PTPN12: variants seen among roughly 807,000 people sequenced by gnomAD.
The protein encoded by PTPN12 is tyrosine-protein phosphatase non-receptor type 12.
PTPN12 carries 29 observed loss-of-function variants against 97.6 expected under a neutral mutation model. The observed-to-expected ratio is 0.30, with a 90% CI of 0.22 to 0.41. The LOEUF (loss-of-function observed/expected upper bound fraction) is 0.41, where lower values mean the gene tolerates loss of function less well. Ranked by LOEUF, PTPN12 falls within the 10% of genes least tolerant of loss-of-function variation. The pLI, the probability that PTPN12 is intolerant of heterozygous loss-of-function variation, is 1.00. For synonymous variants in PTPN12, 327 were observed against 300.4 expected, an observed-to-expected ratio of 1.09 and a Z score of -0.91; for missense variants, 819 against 926.0, an observed-to-expected ratio of 0.88 and a Z score of 1.50.
chr7:77,599,044 AGT>A (rs1176885041), intron 7 of PTPN12, among the ~76,000 whole-genome samples: 6 of 151,344 alleles, frequency 4.0e-5, no homozygotes, highest in African/African-American at 1.5e-4. Context: ...ATGAAATGAG[AGT>A]GTAATATTTA....
In PTPN12 at chr7:77,571,245, T is replaced by C. The variant is rs1787116265; in HGVS notation, c.208+59T>C. 8 of 1,003,124 alleles carry C rather than the reference T, an allele frequency of 8.0e-6. No individual in the cohort carries two copies. In the East Asian group the frequency reaches 1.9e-4, roughly 24 times the overall value. The allele number at this position is 1,003,124 out of a possible 1,614,324, so 62.1% of individuals were successfully genotyped here. A position where few individuals can be genotyped will look rare whatever the true frequency, so the allele number is the denominator to read the frequency against. ...AAATGCTAATTAGCCTTTTGTAACCTAACTAGTTTTATTCTTCCTGAGTTT... is the reference window on the plus strand; with the variant it reads ...AAATGCTAATTAGCCTTTTGTAACCCAACTAGTTTTATTCTTCCTGAGTTT... On this transcript the variant is annotated intron_variant, in intron 2 of 17. Coordinates refer to ENST00000248594, the MANE Select transcript of PTPN12 (RefSeq NM_002835.4).
In PTPN12 at chr7:77,550,290, G is replaced by T. The variant is rs181233786; in HGVS notation, c.99+12645G>T. Reference sequence around the variant, plus strand: ...GTCTGTAATTTACACCTAGTTGTTTGTAATTCATCTAATACGGTAAATAGA... The same window carrying T: ...GTCTGTAATTTACACCTAGTTGTTTTTAATTCATCTAATACGGTAAATAGA... On this transcript the variant is annotated intron_variant, in intron 1 of 17. Coordinates refer to ENST00000248594, the MANE Select transcript of PTPN12 (RefSeq NM_002835.4). 2.2e-4 allele frequency among the ~76,000 whole-genome samples: 33 copies of T among 152,204 alleles called. No individual in the cohort carries two copies. In the East Asian group the frequency reaches 6.0e-3, roughly 28 times the overall value.
chr7:77,613,167 G>GTTT (rs576216122), intron 11 of PTPN12, among the ~76,000 whole-genome samples: 130 of 88,548 alleles, frequency 1.5e-3, no homozygotes, highest in Non-Finnish European at 1.8e-3. Flanking sequence ...TAATTTTTGG[G>GTTT]TTTTTTTTTT....
chr7:77,621,894 A>G (rs927951582), intron 12 of PTPN12, among the ~76,000 whole-genome samples: 2 of 152,228 alleles, frequency 1.3e-5, no homozygotes, highest in Admixed American at 1.3e-4. Flanking sequence ...TGTGTGGCCC[A>G]TCATTGACTG....
chr7:77,574,906 A>G (rs1246948082), intron 2 of PTPN12, among the ~76,000 whole-genome samples: 1 of 150,242 alleles, frequency 6.7e-6, no homozygotes, highest in African/African-American at 2.5e-5. Flanking sequence ...ATCTCGGCTC[A>G]CTGCAACCTC....
chr7:77,552,013 CAT>C (rs2151301121), intron 1 of PTPN12, among the ~76,000 whole-genome samples: 1 of 152,314 alleles, frequency 6.6e-6, no homozygotes, highest in African/African-American at 2.4e-5. Context: ...AATAATTAAA[CAT>C]GTTCAGATAT....
At chr7:77,588,624 C>T (rs1210525522) in intron 5 of PTPN12, among the ~76,000 whole-genome samples, 1 of 152,040 alleles carries the variant, frequency 6.6e-6, no homozygotes, top group Non-Finnish European at 1.5e-5. Flanking sequence ...GCAGGGTTGC[C>T]ACAAAACTTC....
At chr7:77,591,781 A>G (rs566223898) in intron 5 of PTPN12, among the ~76,000 whole-genome samples, 1 of 152,340 alleles carries the variant, frequency 6.6e-6, no homozygotes, top group African/African-American at 2.4e-5. Context: ...TTTACATTTA[A>G]TGAGAATTCA....
intron 14 of PTPN12, among the ~76,000 whole-genome samples, chr7:77,632,749 G>T (rs1452722426): frequency 7.9e-5 from 12 of 152,056 alleles, no homozygotes; most frequent in Non-Finnish European, 8.8e-5. Context: ...CTGAGGTCAG[G>T]AGTTGGAGAC....
intron 12 of PTPN12, among the ~76,000 whole-genome samples, chr7:77,625,468 G>GCGCGCTCTCTCTCTCTCT (rs1218191468): frequency 4.0e-5 from 1 of 24,752 alleles, no homozygotes. Context: ...TGCCCAGGCT[G>GCGCGCTCTCTCTCTCTCT]CTCGCTCTCT....
intron 2 of PTPN12, among the ~76,000 whole-genome samples, chr7:77,579,250 T>C (rs1018980692): frequency 1.3e-5 from 2 of 152,062 alleles, no homozygotes. Flanking sequence ...GCCTCCCGAG[T>C]AGCTGAGATT....
intron 1 of PTPN12, chr7:77,545,712 A>G (rs1031975143): frequency 2.0e-5 from 3 of 152,068 alleles, no homozygotes; most frequent in African/African-American, 7.2e-5. Context: ...CCTATAGGAT[A>G]AAGTCTGTAC....
chr7:77,575,589 T>A (rs1478019161), intron 2 of PTPN12, among the ~76,000 whole-genome samples: 1 of 152,242 alleles, frequency 6.6e-6, no homozygotes, highest in African/African-American at 2.4e-5. Flanking sequence ...ATAGAATTTT[T>A]AAAACAGGTT....
chr7:77,603,255 A>G (rs1788245053), intron 8 of PTPN12, among the ~76,000 whole-genome samples: 1 of 152,234 alleles, frequency 6.6e-6, no homozygotes, highest in South Asian at 2.1e-4. Flanking sequence ...AGTTAAAATA[A>G]TTTCCTGTTC....
Position 77,627,664 on chromosome 7 carries a change from G to A in PTPN12, c.1985G>A (p.Gly662Asp), listed in dbSNP as rs142415311. ...AATATAGCAGGAACAACACATTCAG[G>A]TGCTGAAAAAGGTAATAATATAGTG... ...RHNIAGTTHS[G>D]AEKDVDVSED... The change falls in exon 13 of 18, where the codon GGT becomes GAT. Residue 662 changes from glycine to aspartate, a missense_variant. Gly to Asp is a moderately conservative substitution (Grantham distance 94). Coordinates refer to ENST00000248594, the MANE Select transcript of PTPN12 (RefSeq NM_002835.4). The A allele has an allele frequency of 1.9e-6, 3 of 1,569,182 alleles. No individual in the cohort carries two copies. The African/African-American group carries it at 4.1e-5, about 21-fold the overall frequency.
In PTPN12 at chr7:77,606,925, A is replaced by G. The variant is rs541565213; in HGVS notation, c.696-310A>G. ...AACAGTAGTGAGGTAGTGACTAGTG[A>G]TAGATTGTTATAATTGTTCTAATGT... is the stretch of plus-strand genomic sequence containing the variant. On this transcript the variant is annotated intron_variant, in intron 8 of 17. Transcript: ENST00000248594. The G allele has an allele frequency of 3.2e-5, 6 of 184,692 alleles. No individual in the cohort carries two copies. In the South Asian group the frequency reaches 4.5e-4, roughly 14 times the overall value. The allele number at this position is 184,692 out of a possible 1,614,324, so 11.4% of individuals were successfully genotyped here. A position where few individuals can be genotyped will look rare whatever the true frequency, so the allele number is the denominator to read the frequency against.
At chr7:77,568,208 ATC>A (rs1808335702) in intron 1 of PTPN12, among the ~76,000 whole-genome samples, 1 of 152,184 alleles carries the variant, frequency 6.6e-6, no homozygotes, top group Non-Finnish European at 1.5e-5. Context: ...ATAAATGAAA[ATC>A]CAAACTTAAA....
At chr7:77,551,302 C>T (rs1363343554) in intron 1 of PTPN12, among the ~76,000 whole-genome samples, 1 of 152,154 alleles carries the variant, frequency 6.6e-6, no homozygotes, top group Non-Finnish European at 1.5e-5. Flanking sequence ...CTCAGGTAAT[C>T]CACCCGCCTT....
At chr7:77,620,217 C>T (rs1367971245) in intron 12 of PTPN12, among the ~76,000 whole-genome samples, 1 of 151,896 alleles carries the variant, frequency 6.6e-6, no homozygotes, top group Non-Finnish European at 1.5e-5. Context: ...GCAGTCTCTT[C>T]TTAATTTTAC....
Sources: gnomAD v4.1 joint callset for allele counts (sites outside exome capture counted in the v4.1 genomes callset) on GRCh38, gnomAD v4.1.1 for gene constraint, MANE v1.5 for transcripts, NCBI Gene and HGNC (gene_info 2026-07-23, HGNC 2026-07-21) for gene names.